Variants in AFAP1L2 observed in about 807,000 individuals in gnomAD.
AFAP1L2 encodes the protein actin filament associated protein 1 like 2.
AFAP1L2 carries 46 observed loss-of-function variants against 99.3 expected under a neutral mutation model. That is an observed-to-expected ratio of 0.46 (90% confidence interval 0.37 to 0.59). The LOEUF is 0.59. Among genes scored for constraint, AFAP1L2 ranks in the 20% least tolerant of loss-of-function variants. AFAP1L2 has a pLI of 0.00. For synonymous variants in AFAP1L2, 397 were observed against 419.1 expected (o/e 0.95, Z 0.64); for missense variants, 959 against 1,034.9 (o/e 0.93, Z 1.01).
Position 114,300,465 on chromosome 10 carries a change from G to T in AFAP1L2, c.1768C>A (p.Pro590Thr). Residue 590 changes from proline (P) to threonine (T), a missense_variant, in exon 14 of 19, where the codon CCA (proline) becomes ACA (threonine). Physicochemically the swap from Pro to Thr is conservative, Grantham distance 38. Around this residue, in one of 2 missense-constraint regions of AFAP1L2, gnomAD observed 576 missense variants for 562.1 expected, o/e 1.02. Coordinates refer to ENST00000304129, the MANE Select transcript of AFAP1L2 (RefSeq NM_001001936.3). ...PTPDEPCIKC[P>T]ENLGEQQLES... ...TGTACCTGTTCTCCCAGGTTCTCTG[G>T]ACACTTTATGCAGGGCTCATCTGGG... The T allele has an allele frequency of 6.2e-7, 1 of 1,613,580 alleles. No homozygotes were observed.
downstream of AFAP1L2, among the ~76,000 whole-genome samples, chr10:114,293,645 C>G (rs2039806651): frequency 6.6e-6 from 1 of 152,138 alleles, no homozygotes. Flanking sequence ...TCAAATAAGA[C>G]AGAAATATAT....
At position 114,295,732 on chromosome 10, in the gene AFAP1L2, T is replaced by TA. The variant is rs923302492; in HGVS notation, c.*309dup. 2 of 1,107,760 alleles carry TA rather than the reference T, an allele frequency of 1.8e-6. No homozygotes were observed. Among genetic ancestry groups the TA allele is most frequent in the African/African-American group, 3.3e-5 (2 of 60,936 alleles). 68.6% of individuals were successfully genotyped at this position (1,107,760 alleles called of 1,614,324 possible). A position where few individuals can be genotyped will look rare whatever the true frequency, so the allele number is the denominator to read the frequency against. On this transcript the variant is annotated 3_prime_UTR_variant, in exon 19 of 19. Transcript: ENST00000304129. Reference sequence around the variant, plus strand: ...GTCTAAACAGGAGGTTTTCACTATTTAAAAATCTTAGTAAAGCAATTGATG... The same window carrying TA: ...GTCTAAACAGGAGGTTTTCACTATTTAAAAAATCTTAGTAAAGCAATTGATG...
In AFAP1L2 at chr10:114,323,142, C is replaced by T. The variant is rs552274979; in HGVS notation, c.406+29G>A. On this transcript the variant is annotated intron_variant, in intron 5 of 18. Coordinates refer to ENST00000304129, the MANE Select transcript of AFAP1L2 (RefSeq NM_001001936.3). ...ATCTGTGCAGGAAGCAGTAAGTCAC[C>T]CTCCCAAGCCCCAGCCGCTGGGATG... The T allele has an allele frequency of 3.9e-6, 6 of 1,558,122 alleles. No individual in the cohort carries two copies. The East Asian group carries it at 1.2e-4, about 31-fold the overall frequency.
chr10:114,304,420 AAAC>A lies in AFAP1L2; in HGVS notation c.1284+296_1284+298del, dbSNP rs1233205405. Among the ~76,000 whole-genome samples the A allele has an allele frequency of 2.0e-5, 3 of 152,166 alleles. No homozygotes were observed. In the East Asian group the frequency reaches 5.8e-4, roughly 29 times the overall value. On this transcript the variant is annotated intron_variant, in intron 11 of 18. Transcript: ENST00000304129. The stretch of plus-strand genomic sequence containing the variant: ...TCTCCCAGCTGGTGATACCCAAACA[AAAC>A]AACACCCACTTTGAATCCCCAGCAG...
At chr10:114,290,023 T>A (rs938488757), downstream of AFAP1L2, 49 of 472,936 alleles carry the variant, frequency 1.0e-4, no homozygotes, top group African/African-American at 8.9e-4. Context: ...CTGCCATGTG[T>A]ATGGCACGTC....
chr10:114,300,169 G>T, intron 15 of AFAP1L2, 25 bp downstream of exon 15: 1 of 1,613,976 alleles, frequency 6.2e-7, no homozygotes, highest in Non-Finnish European at 8.5e-7. Flanking sequence ...GATGGAATCG[G>T]GCTAACTTCC....
intron 1 of AFAP1L2, among the ~76,000 whole-genome samples, chr10:114,343,300 C>T (rs1012341625): frequency 6.6e-6 from 1 of 152,200 alleles, no homozygotes; most frequent in African/African-American, 2.4e-5. Context: ...CAGCAACTTG[C>T]CCACCATCCA....
intron 1 of AFAP1L2, among the ~76,000 whole-genome samples, chr10:114,367,550 GA>G (rs978856455): frequency 6.6e-6 from 1 of 152,200 alleles, no homozygotes; most frequent in Admixed American, 6.5e-5. Context: ...AGAGCAGCAA[GA>G]AACTGACCAA....
At chr10:114,284,565 C>T in the AFAP1L2 span, among the ~76,000 whole-genome samples, 2 of 152,174 alleles carry the variant, frequency 1.3e-5, no homozygotes, top group South Asian at 4.1e-4. Context: ...CTTGAGGCAC[C>T]CACACTTGAT....
intron 4 of AFAP1L2, among the ~76,000 whole-genome samples, chr10:114,329,591 C>T (rs998083809): frequency 6.6e-6 from 1 of 152,134 alleles, no homozygotes; most frequent in African/African-American, 2.4e-5. Flanking sequence ...GCCACCTTTC[C>T]ACTCCCACCA....
chr10:114,301,510 G>A, intron 12 of AFAP1L2, 45 bp from the exon 13 acceptor site: 1 of 1,438,898 alleles, frequency 6.9e-7, no homozygotes, highest in Non-Finnish European at 9.8e-7. Flanking sequence ...CCGGGGCAGG[G>A]TGGTGAAAGC....
At chr10:114,368,793 C>T (rs1020388454) in intron 1 of AFAP1L2, among the ~76,000 whole-genome samples, 2 of 151,484 alleles carry the variant, frequency 1.3e-5, no homozygotes, top group African/African-American at 4.9e-5. Flanking sequence ...CACACACACA[C>T]ACACACACAC....
At chr10:114,341,442 G>A (rs181307163) in intron 1 of AFAP1L2, among the ~76,000 whole-genome samples, 140 of 152,004 alleles carry the variant, frequency 9.2e-4, no homozygotes, top group Middle Eastern at 6.8e-3. Flanking sequence ...TGAAACCCCC[G>A]TCTCTACTAA....
At chr10:114,387,348 C>A (rs551304878) in intron 1 of AFAP1L2, among the ~76,000 whole-genome samples, 3 of 152,294 alleles carry the variant, frequency 2.0e-5, no homozygotes, top group African/African-American at 7.2e-5. Context: ...AAGACTAGTA[C>A]GTTTTCCACA....
intron 1 of AFAP1L2, among the ~76,000 whole-genome samples, chr10:114,352,683 T>A (rs2050718732): frequency 6.6e-6 from 1 of 152,182 alleles, no homozygotes; most frequent in Non-Finnish European, 1.5e-5. Context: ...AGCCCAGGTG[T>A]CAACAGGTTA....
At chr10:114,353,905 G>A (rs1440143686) in intron 1 of AFAP1L2, among the ~76,000 whole-genome samples, 1 of 152,184 alleles carries the variant, frequency 6.6e-6, no homozygotes, top group Non-Finnish European at 1.5e-5. Context: ...TAGAGCAGAG[G>A]CATGGCATCT....
chr10:114,404,032 T>C (rs61868314), intron 1 of AFAP1L2, among the ~76,000 whole-genome samples: 24,281 of 152,024 alleles, frequency 0.16, 2,841 homozygotes, highest in African/African-American at 0.33. Context: ...GAGAAAGGAC[T>C]CAACAGCCCG....
chr10:114,286,906 T>A, the AFAP1L2 span, among the ~76,000 whole-genome samples: 1 of 152,176 alleles, frequency 6.6e-6, no homozygotes, highest in Admixed American at 6.5e-5. Flanking sequence ...CACAGAAAAG[T>A]GTGTTCCTGG....
At chr10:114,336,031 A>T (rs542538322) in intron 2 of AFAP1L2, among the ~76,000 whole-genome samples, 41 of 152,304 alleles carry the variant, frequency 2.7e-4, no homozygotes, top group Middle Eastern at 3.4e-3. Context: ...ATTGTTTTAA[A>T]TGTTGGATTC....
Sources: allele counts gnomAD v4.1 joint callset (sites outside exome capture counted in the v4.1 genomes callset), GRCh38; gene constraint gnomAD v4.1.1; regional missense constraint gnomAD v4.1.1; transcripts MANE v1.5; gene names NCBI Gene and HGNC (gene_info 2026-07-23, HGNC 2026-07-21).